The following VPS35 variants were observed in gnomAD, a reference collection of about 807,000 sequenced individuals.
VPS35 encodes vacuolar protein sorting-associated protein 35.
Under a neutral mutation model 98.1 loss-of-function variants are expected in VPS35, and 21 were observed. The observed-to-expected ratio is 0.21, with a 90% confidence interval of 0.15 to 0.31. The LOEUF is 0.31. VPS35 is among the 10% of genes least tolerant of loss of function. The pLI, the probability that VPS35 is intolerant of heterozygous loss-of-function variation, is 1.00. For missense variants in VPS35, 554 were observed against 950.8 expected, an observed-to-expected ratio of 0.58 and a Z score of 5.49; for synonymous variants, 268 against 318.2, an observed-to-expected ratio of 0.84 and a Z score of 1.68.
At chr16:46,671,671 C>A (rs1204360377) in intron 12 of VPS35, 34 bp downstream of exon 12, 1 of 1,613,416 alleles carries the variant, frequency 6.2e-7, no homozygotes, top group Non-Finnish European at 8.5e-7. Context: ...TCACTAGGAG[C>A]TGATACAGGG....
intron 3 of VPS35, 117 bp from the exon 4 acceptor site, chr16:46,681,617 A>G (rs1459618453): frequency 8.1e-7 from 1 of 1,240,990 alleles, no homozygotes; most frequent in South Asian, 1.3e-5. Context: ...GTCCTTTAAG[A>G]AAGTGTTCAA....
chr16:46,661,883 A>T lies in VPS35; in HGVS notation c.2068-22T>A. 2 of 1,613,916 alleles carry T rather than the reference A, an allele frequency of 1.2e-6. No homozygotes were observed. The highest frequency in any genetic ancestry group is 2.2e-5 in the South Asian group (2 of 91,056). Reference sequence around the variant, plus strand: ...GAAGCTAAAATAAAAGGGCAGGGGGACAGTGAAGAGATTAATGAAACATCT... The same window carrying T: ...GAAGCTAAAATAAAAGGGCAGGGGGTCAGTGAAGAGATTAATGAAACATCT... On this transcript the variant is annotated intron_variant, in intron 15 of 16. Coordinates refer to ENST00000299138, the MANE Select transcript of VPS35 (RefSeq NM_018206.6). The surrounding 1 kb of genome is among the most constrained non-coding windows in gnomAD (Gnocchi z 4.3).
intron 8 of VPS35, 99 bp from the exon 9 acceptor site, chr16:46,674,759 G>C: frequency 8.9e-7 from 1 of 1,119,718 alleles, no homozygotes; most frequent in Non-Finnish European, 1.3e-6. Flanking sequence ...TCTATATTTT[G>C]TATGAGCCCA....
rs1965851808 is a variant in VPS35, at chr16:46,657,376, G to A, written c.*3096C>T. 6.6e-6 allele frequency: 1 copy of A among 152,104 alleles called. No homozygotes were observed. Among genetic ancestry groups the A allele is most frequent in the South Asian group, 2.1e-4 (1 of 4,824 alleles). 9.4% of individuals were successfully genotyped at this position (152,104 alleles called of 1,614,324 possible). A position where few individuals can be genotyped will look rare whatever the true frequency, so the allele number is the denominator to read the frequency against. ...TTTCTGCTTGAGCTTATTACCTTGAGGTCTCTGAATGAGAGAGCAAATGTT... is the reference window on the plus strand; with the variant it reads ...TTTCTGCTTGAGCTTATTACCTTGAAGTCTCTGAATGAGAGAGCAAATGTT... On this transcript the variant is annotated 3_prime_UTR_variant, in exon 17 of 17. Coordinates refer to ENST00000299138, the MANE Select transcript of VPS35 (RefSeq NM_018206.6).
At chr16:46,688,506 T>C (rs1966359910) in intron 1 of VPS35, 1 of 987,900 alleles carries the variant, frequency 1.0e-6, no homozygotes, top group Non-Finnish European at 1.2e-6. Flanking sequence ...AATGCTAAAG[T>C]AAACAATCAG....
In VPS35 at chr16:46,671,699, T is replaced by A. The variant is rs530615456; in HGVS notation, c.1524+6A>T. 6.2e-7 allele frequency: 1 copy of A among 1,614,112 alleles called. No individual in the cohort carries two copies. Among genetic ancestry groups the A allele is most frequent in the African/African-American group, 1.3e-5 (1 of 75,054 alleles). The stretch of plus-strand genomic sequence containing the variant: ...ATACAGGGATATACTAAGGGTAAAC[T>A]CATACCAAGTACTGCTGGTCAGGGT... On this transcript the variant is annotated splice_donor_region_variant and intron_variant, in intron 12 of 16. Coordinates refer to ENST00000299138, the MANE Select transcript of VPS35 (RefSeq NM_018206.6).
chr16:46,665,820 T>G (rs1965980554), intron 13 of VPS35, among the ~76,000 whole-genome samples: 1 of 152,176 alleles, frequency 6.6e-6, no homozygotes, highest in African/African-American at 2.4e-5. Context: ...TGACTGGGTC[T>G]CCCTCTGTCA....
chr16:46,674,777 TTTG>T, intron 8 of VPS35, 117 bp from the exon 9 acceptor site: 2 of 1,001,382 alleles, frequency 2.0e-6, no homozygotes, highest in African/African-American at 3.4e-5. Context: ...CCAAAAGGTT[TTTG>T]TTTTTTTTGT....
At chr16:46,669,478 C>G (rs1255887487) in intron 12 of VPS35, among the ~76,000 whole-genome samples, 1 of 151,918 alleles carries the variant, frequency 6.6e-6, no homozygotes, top group Non-Finnish European at 1.5e-5. Context: ...ACCAGCCTGG[C>G]CAACATAGGG....
rs570492580 is a variant in VPS35 at position 46,660,468 on chromosome 16, C to G, written c.*4G>C. ...GGAAAGGAGTATGGTGAGCTATTTC[C>G]TTTTTAAAGGATGAGACCTTCATAA... is the stretch of plus-strand genomic sequence containing the variant. On this transcript the variant is annotated 3_prime_UTR_variant, in exon 17 of 17. Coordinates refer to ENST00000299138, the MANE Select transcript of VPS35 (RefSeq NM_018206.6). 6.2e-7 allele frequency: 1 copy of G among 1,613,492 alleles called. No individual in the cohort carries two copies. The highest frequency in any genetic ancestry group is 1.3e-5 in the African/African-American group (1 of 74,974).
At chr16:46,679,524 T>C (rs937065632) in intron 5 of VPS35, among the ~76,000 whole-genome samples, 15 of 152,158 alleles carry the variant, frequency 9.9e-5, no homozygotes, top group Admixed American at 9.8e-4. Context: ...GCCAGGAGTT[T>C]AAAACTGGCC....
chr16:46,676,472 T>C (rs1966154335), intron 8 of VPS35, 111 bp downstream of exon 8: 1 of 748,848 alleles, frequency 1.3e-6, no homozygotes, highest in Non-Finnish European at 2.4e-6. Context: ...ATAATTAAAT[T>C]AAGATCATTG....
chr16:46,681,348 C>G (rs894560087), intron 4 of VPS35, 29 bp downstream of exon 4: 1 of 1,612,986 alleles, frequency 6.2e-7, no homozygotes, highest in Non-Finnish European at 8.5e-7. Flanking sequence ...AATACAGACA[C>G]AAAAGTTCTC....
chr16:46,673,793 TGACA>T, intron 10 of VPS35: 1 of 155,916 alleles, frequency 6.4e-6, no homozygotes, highest in East Asian at 1.9e-4. Flanking sequence ...AAATACTGCC[TGACA>T]AAGTTTCCTT....
intron 12 of VPS35, among the ~76,000 whole-genome samples, chr16:46,671,156 T>A (rs1966062974): frequency 6.6e-6 from 1 of 151,910 alleles, no homozygotes; most frequent in Non-Finnish European, 1.5e-5. Context: ...AAAGGCAAAA[T>A]GAATTTTTAA....
rs1472451632 is a variant in VPS35, at chr16:46,659,193, A to C, written c.*1279T>G. 1 of 152,318 alleles carries C rather than the reference A, an allele frequency of 6.6e-6. No individual in the cohort carries two copies. Among genetic ancestry groups the C allele is most frequent in the Non-Finnish European group, 1.5e-5 (1 of 68,136 alleles). The allele number at this position is 152,318 out of a possible 1,614,324, so 9.4% of individuals were successfully genotyped here. On this transcript the variant is annotated 3_prime_UTR_variant, in exon 17 of 17. Coordinates refer to ENST00000299138, the MANE Select transcript of VPS35 (RefSeq NM_018206.6). ...AACTGGGGCCTCTGCCCTCAAGAAG[A>C]GGAACTGGGGCCTCTGCCTAACAGC...
chr16:46,675,698 G>A (rs1259154053), intron 8 of VPS35, among the ~76,000 whole-genome samples: 1 of 152,086 alleles, frequency 6.6e-6, no homozygotes, highest in African/African-American at 2.4e-5. Flanking sequence ...CTTCTCTTAG[G>A]TTTCTGGTTT....
At position 46,660,197 on chromosome 16, in the gene VPS35, T is replaced by TG. The variant is rs1555522797; in HGVS notation, c.*274_*275insC. On this transcript the variant is annotated 3_prime_UTR_variant, in exon 17 of 17. Coordinates refer to ENST00000299138, the MANE Select transcript of VPS35 (RefSeq NM_018206.6). ...AAGTGCTTGTGGGTTTTGTGTTTTT[T>TG]TTTTTTTTTTTTTTTACAGATCACA... is the stretch of plus-strand genomic sequence containing the variant. 3 of 195,888 alleles carry TG rather than the reference T, an allele frequency of 1.5e-5. No individual in the cohort carries two copies. Among genetic ancestry groups the TG allele is most frequent in the Non-Finnish European group, 3.0e-5 (3 of 99,292 alleles). The allele number at this position is 195,888 out of a possible 1,614,324, so 12.1% of individuals were successfully genotyped here.
At chr16:46,680,640 T>G in intron 5 of VPS35, 31 bp downstream of exon 5, 1 of 1,606,826 alleles carries the variant, frequency 6.2e-7, no homozygotes, top group Non-Finnish European at 8.5e-7. Context: ...AAAGAAATAT[T>G]GCAACAAAAT....
Sources: gnomAD v4.1 joint callset for allele counts (sites outside exome capture counted in the v4.1 genomes callset) on GRCh38, gnomAD v4.1.1 for gene constraint, Gnocchi (gnomAD v3.1) non-coding constraint, MANE v1.5 for transcripts, NCBI Gene and HGNC (gene_info 2026-07-23, HGNC 2026-07-21) for gene names.